The following RMDN2 variants were observed in gnomAD, a reference collection of about 807,000 sequenced individuals.
The protein encoded by RMDN2 is regulator of microtubule dynamics 2.
In RMDN2, 61 loss-of-function variants were observed where a neutral mutation model predicts 52.8. The ratio of observed to expected loss-of-function variants is 1.16; its 90% confidence interval spans 0.94 to 1.43. The LOEUF is 1.43. RMDN2 is among the 40% of genes most tolerant of loss of function. The pLI, the probability that RMDN2 is intolerant of heterozygous loss-of-function variation, is 0.00. For synonymous variants in RMDN2, 180 were observed against 153.1 expected (o/e 1.18, Z -1.30); for missense variants, 592 against 475.3 (o/e 1.25, Z -2.28).
chr2:37,961,707 A>C (rs2125016944), intron 2 of RMDN2, among the ~76,000 whole-genome samples: 1 of 152,170 alleles, frequency 6.6e-6, no homozygotes, highest in Non-Finnish European at 1.5e-5. Flanking sequence ...TGTCAAAGTC[A>C]TTCTCCATCC....
chr2:37,998,588 T>C (rs1675891071), intron 8 of RMDN2, among the ~76,000 whole-genome samples: 1 of 152,124 alleles, frequency 6.6e-6, no homozygotes, highest in Admixed American at 6.5e-5. Flanking sequence ...AGGGAGCAGT[T>C]TTGTAGAACT....
At chr2:37,968,321 T>A (rs2125049385) in intron 2 of RMDN2, among the ~76,000 whole-genome samples, 1 of 119,700 alleles carries the variant, frequency 8.4e-6, no homozygotes. Flanking sequence ...CAGGCACCTG[T>A]AATCCCAGCT....
rs768765750 is a variant in RMDN2, at chr2:37,997,548, A to C, written c.1044+34A>C. 9 of 1,314,260 alleles carry C rather than the reference A, an allele frequency of 6.8e-6. No individual in the cohort carries two copies. The South Asian group carries it at 9.4e-5, about 14-fold the overall frequency. The allele number at this position is 1,314,260 out of a possible 1,614,324, so 81.4% of individuals were successfully genotyped here. A position where few individuals can be genotyped will look rare whatever the true frequency, so the allele number is the denominator to read the frequency against. The stretch of plus-strand genomic sequence containing the variant: ...TGTGTATCCATTATTTTAGTGTCAG[A>C]CTGATTACCATCTGCACCAATCCCT... On this transcript the variant is annotated intron_variant, in intron 8 of 10. Coordinates refer to ENST00000354545, the MANE Select transcript of RMDN2 (RefSeq NM_001170791.3).
intron 4 of RMDN2, among the ~76,000 whole-genome samples, chr2:37,979,517 C>G (rs1673022581): frequency 6.6e-6 from 1 of 152,188 alleles, no homozygotes; most frequent in Non-Finnish European, 1.5e-5. Flanking sequence ...GATTTGATCA[C>G]TGGAGAGTAC....
intron 10 of RMDN2, among the ~76,000 whole-genome samples, chr2:38,046,961 C>T (rs202162197): frequency 6.6e-6 from 1 of 151,454 alleles, no homozygotes; most frequent in East Asian, 1.9e-4. Context: ...CCAGCCTGGG[C>T]GACAGAGTGA....
chr2:38,026,941 G>C (rs201703722), intron 10 of RMDN2: 2 of 145,540 alleles, frequency 1.4e-5, no homozygotes, highest in African/African-American at 5.1e-5. Flanking sequence ...GGTTTTTTTT[G>C]TTTTCAGGTA....
Position 38,017,267 on chromosome 2 carries a change from A to T in RMDN2, c.*28A>T, listed in dbSNP as rs368491088. On this transcript the variant is annotated 3_prime_UTR_variant, in exon 11 of 11. Coordinates refer to ENST00000354545, the MANE Select transcript of RMDN2 (RefSeq NM_001170791.3). The stretch of plus-strand genomic sequence containing the variant: ...AAACGAATTTACTCTTCAACAAATC[A>T]GATGTGGTCTACCAAAATTTAAATG... The T allele has an allele frequency of 6.7e-7, 1 of 1,495,290 alleles. No individual in the cohort carries two copies. Among genetic ancestry groups the T allele is most frequent in the Admixed American group, 2.4e-5 (1 of 41,132 alleles). 92.6% of individuals were successfully genotyped at this position (1,495,290 alleles called of 1,614,324 possible). A position where few individuals can be genotyped will look rare whatever the true frequency, so the allele number is the denominator to read the frequency against.
At chr2:37,926,620 T>G (rs951661886) in intron 1 of RMDN2, among the ~76,000 whole-genome samples, 6 of 152,240 alleles carry the variant, frequency 3.9e-5, no homozygotes, top group Admixed American at 6.5e-5. Flanking sequence ...ACTACAAGTG[T>G]ATACTATTAA....
intron 10 of RMDN2, among the ~76,000 whole-genome samples, chr2:38,015,575 A>AG (rs1205393433): frequency 2.0e-5 from 3 of 152,080 alleles, no homozygotes; most frequent in South Asian, 4.1e-4. Flanking sequence ...AAAAAAAAAA[A>AG]AAAGAAAAAA....
At chr2:37,948,758 C>G (rs1242113330) in intron 2 of RMDN2, among the ~76,000 whole-genome samples, 2 of 152,078 alleles carry the variant, frequency 1.3e-5, no homozygotes, top group South Asian at 2.1e-4. Context: ...TTCCTCATCC[C>G]CCAAATGCGC....
chr2:38,007,134 G>T (rs531993252), intron 10 of RMDN2, among the ~76,000 whole-genome samples: 3 of 152,068 alleles, frequency 2.0e-5, no homozygotes, highest in Non-Finnish European at 4.4e-5. Flanking sequence ...TTTTTGCATC[G>T]ATGTTCATCA....
chr2:38,035,874 C>T (rs532341195), intron 10 of RMDN2: 2 of 152,178 alleles, frequency 1.3e-5, no homozygotes, highest in African/African-American at 4.8e-5. Flanking sequence ...CATTCACAAC[C>T]GTATCTGGAC....
intron 2 of RMDN2, chr2:37,950,733 C>T: frequency 3.6e-6 from 3 of 834,074 alleles, no homozygotes; most frequent in Non-Finnish European, 6.0e-6. Flanking sequence ...AAACATTCTC[C>T]CCAGAGAGAT....
intron 1 of RMDN2, among the ~76,000 whole-genome samples, chr2:37,926,354 A>C (rs1666274894): frequency 6.6e-6 from 1 of 152,206 alleles, no homozygotes; most frequent in Non-Finnish European, 1.5e-5. Context: ...TCTTCAGAAA[A>C]CATTTCATAT....
intron 2 of RMDN2, among the ~76,000 whole-genome samples, chr2:37,936,016 G>A (rs1329069032): frequency 6.6e-6 from 1 of 152,102 alleles, no homozygotes; most frequent in East Asian, 1.9e-4. Flanking sequence ...CGTCATCTAT[G>A]TTAGGTAATT....
At chr2:38,020,800 C>T (rs1210823624), downstream of RMDN2, among the ~76,000 whole-genome samples, 1 of 152,132 alleles carries the variant, frequency 6.6e-6, no homozygotes, top group South Asian at 2.1e-4. Flanking sequence ...CCCCCGCCTC[C>T]TTGGGCTCCT....
At chr2:37,933,256 C>T (rs1666990622) in intron 2 of RMDN2, among the ~76,000 whole-genome samples, 1 of 151,724 alleles carries the variant, frequency 6.6e-6, no homozygotes, top group Admixed American at 6.6e-5. Context: ...GATGGGATGG[C>T]GGCCGGGCAG....
At chr2:37,935,397 C>T (rs1572695836) in intron 2 of RMDN2, among the ~76,000 whole-genome samples, 1 of 152,142 alleles carries the variant, frequency 6.6e-6, no homozygotes, top group Non-Finnish European at 1.5e-5. Context: ...CTGTCAGGTC[C>T]GTTTTAATGT....
intron 2 of RMDN2, among the ~76,000 whole-genome samples, chr2:37,932,185 T>G (rs900146867): frequency 4.0e-5 from 6 of 149,534 alleles, no homozygotes; most frequent in Non-Finnish European, 9.0e-5. Context: ...AGGTCTCTGG[T>G]TTTCCTAGGC....
Sources: allele counts gnomAD v4.1 joint callset (sites outside exome capture counted in the v4.1 genomes callset), GRCh38; gene constraint gnomAD v4.1.1; transcripts MANE v1.5; gene names NCBI Gene and HGNC (gene_info 2026-07-23, HGNC 2026-07-21).